Variants in CFDP1 observed in about 807,000 individuals in gnomAD.
The protein encoded by CFDP1 is heterochromatin-stabilizing protein CFDP1.
CFDP1 carries 31 observed loss-of-function variants against 40.1 expected under a neutral mutation model. The ratio of observed to expected loss-of-function variants is 0.77; its 90% CI spans 0.58 to 1.04. The LOEUF is 1.04. Among genes scored for constraint, CFDP1 ranks in the 50% least tolerant of loss-of-function variants. The pLI, the probability that CFDP1 is intolerant of heterozygous loss-of-function variation, is 0.00. For synonymous variants in CFDP1, 167 were observed against 120.0 expected, an observed-to-expected ratio of 1.39 and a Z score of -2.56; for missense variants, 423 against 343.4, an observed-to-expected ratio of 1.23 and a Z score of -1.83.
chr16:75,417,482 G>C (rs978807673), intron 1 of CFDP1, among the ~76,000 whole-genome samples: 2 of 152,162 alleles, frequency 1.3e-5, no homozygotes, highest in African/African-American at 4.8e-5. Context: ...CAAAAGAACA[G>C]TGTATGAAAT....
At chr16:75,384,132 G>A (rs534105899) in intron 5 of CFDP1, among the ~76,000 whole-genome samples, 1 of 152,118 alleles carries the variant, frequency 6.6e-6, no homozygotes, top group Admixed American at 6.5e-5. Context: ...TGAGGCTGAG[G>A]TGGGCAGATC....
At chr16:75,375,248 C>T (rs2078783466) in intron 5 of CFDP1, among the ~76,000 whole-genome samples, 1 of 152,002 alleles carries the variant, frequency 6.6e-6, no homozygotes, top group South Asian at 2.1e-4. Context: ...CTCATCTAAA[C>T]ACACCACCAA....
chr16:75,411,955 A>G lies in CFDP1; in HGVS notation c.403-3T>C. ...GTCTCTTCAGTCTCCTCTCCTTTCTATAAAAAAAACAAGAAATGTAATGTT... is the reference window on the plus strand; with the variant it reads ...GTCTCTTCAGTCTCCTCTCCTTTCTGTAAAAAAAACAAGAAATGTAATGTT... On this transcript the variant is annotated splice_polypyrimidine_tract_variant and splice_region_variant and intron_variant, in intron 3 of 6. Coordinates refer to ENST00000283882, the MANE Select transcript of CFDP1 (RefSeq NM_006324.3). 1 of 1,586,728 alleles carries G rather than the reference A, an allele frequency of 6.3e-7. No individual in the cohort carries two copies. The highest frequency in any genetic ancestry group is 8.5e-7 in the Non-Finnish European group (1 of 1,173,418).
At chr16:75,317,058 G>A (rs1044304588) in intron 5 of CFDP1, among the ~76,000 whole-genome samples, 1 of 152,134 alleles carries the variant, frequency 6.6e-6, no homozygotes, top group African/African-American at 2.4e-5. Flanking sequence ...AAAGGCAAAA[G>A]GCTATGGGAT....
At chr16:75,377,862 A>C (rs1322096385) in intron 5 of CFDP1, among the ~76,000 whole-genome samples, 1 of 152,244 alleles carries the variant, frequency 6.6e-6, no homozygotes, top group African/African-American at 2.4e-5. Context: ...TGAGTGGCAG[A>C]CTGTTTAGCT....
In CFDP1 at chr16:75,301,296, A is replaced by G. The variant is rs144051469; in HGVS notation, c.809+3728T>C. 4.2e-3 allele frequency among the ~76,000 whole-genome samples: 634 copies of G among 152,324 alleles called. 1 individual carries two copies. The highest frequency in any genetic ancestry group is 8.8e-3 in the Admixed American group (135 of 15,292). On this transcript the variant is annotated intron_variant, in intron 6 of 6. Transcript: ENST00000283882. Reference sequence around the variant, plus strand: ...AGATTTGAATTGTTTATTGTAAAACATAATATACATACAGAAGAGTGCATG... The same window carrying G: ...AGATTTGAATTGTTTATTGTAAAACGTAATATACATACAGAAGAGTGCATG...
chr16:75,364,646 A>G (rs556527998), intron 5 of CFDP1, among the ~76,000 whole-genome samples: 1 of 152,334 alleles, frequency 6.6e-6, no homozygotes, highest in South Asian at 2.1e-4. Context: ...AAAATGTAAA[A>G]CAATGCCACT....
rs565771143 is a variant in CFDP1 at position 75,423,196 on chromosome 16, G to A, written c.65-8501C>T. Among the ~76,000 whole-genome samples the A allele has an allele frequency of 1.7e-4, 26 of 151,130 alleles. No individual in the cohort carries two copies. The East Asian group carries it at 5.2e-3, about 30-fold the overall frequency. The stretch of plus-strand genomic sequence containing the variant: ...CTCGGGAGGCTGAGGCAGGAGAATG[G>A]CGTGAACCCGGGAGGCAGGGCTGGC... On this transcript the variant is annotated intron_variant, in intron 1 of 6. Coordinates refer to ENST00000283882, the MANE Select transcript of CFDP1 (RefSeq NM_006324.3).
chr16:75,401,282 G>C (rs2079050581), intron 4 of CFDP1, among the ~76,000 whole-genome samples: 1 of 152,060 alleles, frequency 6.6e-6, no homozygotes. Context: ...CAAAATATTA[G>C]CCAGGCTTGG....
chr16:75,375,578 G>C (rs992570002), intron 5 of CFDP1, among the ~76,000 whole-genome samples: 1 of 152,018 alleles, frequency 6.6e-6, no homozygotes, highest in Non-Finnish European at 1.5e-5. Flanking sequence ...GATCACCTCA[G>C]GTCAGGAGTT....
chr16:75,370,171 C>G (rs1047538285), intron 5 of CFDP1, among the ~76,000 whole-genome samples: 1 of 151,558 alleles, frequency 6.6e-6, no homozygotes, highest in African/African-American at 2.4e-5. Context: ...TGGCTCACTG[C>G]AACCTCTGCC....
chr16:75,372,954 T>C (rs542061993), intron 5 of CFDP1, among the ~76,000 whole-genome samples: 1 of 152,214 alleles, frequency 6.6e-6, no homozygotes, highest in African/African-American at 2.4e-5. Context: ...TTATCAACTG[T>C]AAAAGAAAAA....
At chr16:75,364,396 T>G (rs2078700124) in intron 5 of CFDP1, among the ~76,000 whole-genome samples, 1 of 152,160 alleles carries the variant, frequency 6.6e-6, no homozygotes, top group South Asian at 2.1e-4. Context: ...CAGTTCTCAG[T>G]GTGGTTCAGG....
intron 5 of CFDP1, among the ~76,000 whole-genome samples, chr16:75,315,675 T>TG (rs1567642841): frequency 6.6e-6 from 1 of 152,208 alleles, no homozygotes; most frequent in African/African-American, 2.4e-5. Context: ...TTGCCACATA[T>TG]AACTTTTCTT....
Position 75,294,048 on chromosome 16 carries a change from A to G in CFDP1, c.810-6T>C. 6.2e-7 allele frequency: 1 copy of G among 1,606,378 alleles called. No individual in the cohort carries two copies. Among genetic ancestry groups the G allele is most frequent in the Non-Finnish European group, 8.5e-7 (1 of 1,172,956 alleles). The stretch of plus-strand genomic sequence containing the variant: ...AGGCTTTCCGTTCAATGTACCTAGA[A>G]GATGAAAACAGTGTTTGTCAGTAGA... On this transcript the variant is annotated splice_polypyrimidine_tract_variant and splice_region_variant and intron_variant, in intron 6 of 6. Transcript: ENST00000283882.
At chr16:75,294,068 A>C (rs756350637) in intron 6 of CFDP1, 26 bp from the exon 7 acceptor site, 5 of 1,560,074 alleles carry the variant, frequency 3.2e-6, no homozygotes, top group Non-Finnish European at 4.4e-6. Context: ...AGTGTTTGTC[A>C]GTAGAATCCA....
At chr16:75,362,816 T>C (rs901280056) in intron 5 of CFDP1, 1 of 152,164 alleles carries the variant, frequency 6.6e-6, no homozygotes, top group African/African-American at 2.4e-5. Flanking sequence ...ACTAATTCTT[T>C]TTATAAACAA....
intron 1 of CFDP1, among the ~76,000 whole-genome samples, chr16:75,418,285 A>G (rs552937040): frequency 1.4e-5 from 2 of 147,684 alleles, no homozygotes; most frequent in Admixed American, 6.9e-5. Flanking sequence ...AGAATTAAGA[A>G]TATCAATATG....
chr16:75,345,577 C>G (rs920019500), intron 5 of CFDP1, among the ~76,000 whole-genome samples: 1 of 152,114 alleles, frequency 6.6e-6, no homozygotes, highest in East Asian at 1.9e-4. Context: ...CCCAGGAGTT[C>G]AAGGATGCAG....
Sources: gnomAD v4.1 joint callset for allele counts (sites outside exome capture counted in the v4.1 genomes callset) on GRCh38, gnomAD v4.1.1 for gene constraint, MANE v1.5 for transcripts, NCBI Gene and HGNC (gene_info 2026-07-23, HGNC 2026-07-21) for gene names.